The following TREH variants were observed in gnomAD, a reference collection of about 807,000 sequenced individuals.
The protein encoded by TREH is alpha,alpha-trehalose glucohydrolase.
A neutral mutation model predicts 80.5 loss-of-function variants in TREH; 69 were observed. That is an observed-to-expected ratio of 0.86 (90% CI 0.71 to 1.05). The LOEUF is 1.05. TREH is among the 50% of genes least tolerant of loss of function. TREH has a pLI of 0.00. For missense variants in TREH, 716 were observed against 718.8 expected (o/e 1.00, Z 0.04); for synonymous variants, 309 against 293.5 (o/e 1.05, Z -0.54).
chr11:118,672,450 C>G (rs1949438644), intron 1 of TREH, among the ~76,000 whole-genome samples: 1 of 151,464 alleles, frequency 6.6e-6, no homozygotes. Context: ...TGGCTCATGC[C>G]TATAATCCCA....
intron 2 of TREH, 66 bp from the exon 3 acceptor site, chr11:118,663,262 T>A: frequency 6.4e-7 from 1 of 1,565,624 alleles, no homozygotes; most frequent in South Asian, 1.2e-5. Flanking sequence ...CACAGGGGCC[T>A]CTCTACTTGG....
chr11:118,679,458 G>T (rs1235094707), intron 1 of TREH, 81 bp downstream of exon 1: 16 of 1,369,654 alleles, frequency 1.2e-5, no homozygotes, highest in Non-Finnish European at 1.4e-5. Context: ...TCCCTCTGAA[G>T]TACCGACCCC....
intron 1 of TREH, among the ~76,000 whole-genome samples, chr11:118,676,679 A>G (rs1453055111): frequency 6.6e-6 from 1 of 151,506 alleles, no homozygotes; most frequent in African/African-American, 2.4e-5. Flanking sequence ...AGGCAGGAGA[A>G]TCACTTGAAC....
intron 1 of TREH, among the ~76,000 whole-genome samples, chr11:118,671,613 T>C (rs1949430465): frequency 6.6e-6 from 1 of 151,960 alleles, no homozygotes; most frequent in Non-Finnish European, 1.5e-5. Flanking sequence ...GAGAAAGAGA[T>C]AGGGACAGAA....
rs1555145384 is a variant in TREH at position 118,663,397 on chromosome 11, C to T, written c.132G>A (p.Met44Ile). The stretch of plus-strand genomic sequence containing the variant: ...GCTTGTCATCCTGGTAGAGCTTGGC[C>T]ATTTGAACTTGGTTTAGGAGCTCCC... Reference protein sequence around the residue: ...CHGELLNQVQMAKLYQDDKQF... With the variant: ...CHGELLNQVQIAKLYQDDKQF... The change falls in exon 2 of 15, where the codon ATG becomes ATA. Residue 44 changes from methionine (M) to isoleucine (I), a missense_variant. By Grantham distance (10) the Met-to-Ile change is conservative. Coordinates refer to ENST00000264029, the MANE Select transcript of TREH (RefSeq NM_007180.3). 6.3e-7 allele frequency: 1 copy of T among 1,596,990 alleles called. No homozygotes were observed. Among genetic ancestry groups the T allele is most frequent in the Non-Finnish European group, 8.5e-7 (1 of 1,171,782 alleles).
At chr11:118,662,591 C>T (rs1949336145) in intron 4 of TREH, 2 of 445,416 alleles carry the variant, frequency 4.5e-6, no homozygotes, top group Non-Finnish European at 8.2e-6. Flanking sequence ...GAACATCTAC[C>T]CAGTGGTGCC....
chr11:118,678,380 T>G (rs1290272653), intron 1 of TREH, among the ~76,000 whole-genome samples: 3 of 150,314 alleles, frequency 2.0e-5, no homozygotes, highest in African/African-American at 7.3e-5. Flanking sequence ...TATTATTATT[T>G]GAGATAGAGT....
intron 1 of TREH, among the ~76,000 whole-genome samples, chr11:118,672,322 G>A (rs782609009): frequency 3.1e-4 from 47 of 151,906 alleles, no homozygotes; most frequent in Non-Finnish European, 5.3e-4. Flanking sequence ...CGCTTGAACC[G>A]GGGAGGTGGA....
intron 10 of TREH, 132 bp from the exon 11 acceptor site, chr11:118,660,096 G>A (rs990326034): frequency 2.6e-5 from 22 of 861,066 alleles, no homozygotes; most frequent in East Asian, 1.3e-4. Context: ...TGACCAAGGG[G>A]ATGTGCCGAT....
intron 1 of TREH, among the ~76,000 whole-genome samples, chr11:118,664,439 G>A (rs1555145501): frequency 1.3e-5 from 2 of 152,246 alleles, no homozygotes; most frequent in Non-Finnish European, 1.5e-5. Context: ...CAGATGGGCA[G>A]TGAAAAACTG....
intron 1 of TREH, among the ~76,000 whole-genome samples, chr11:118,675,886 A>T (rs1555146772): frequency 2.0e-5 from 3 of 152,132 alleles, no homozygotes; most frequent in Non-Finnish European, 4.4e-5. Context: ...CATTTTTGGT[A>T]GAGACAGGGT....
intron 1 of TREH, among the ~76,000 whole-genome samples, chr11:118,667,448 G>A (rs520543): frequency 0.32 from 48,835 of 151,994 alleles, 8,256 homozygotes; most frequent in Admixed American, 0.46. Context: ...TGATCCTCCC[G>A]GCTTGGCCTC....
intron 1 of TREH, among the ~76,000 whole-genome samples, chr11:118,666,762 A>C (rs1332767827): frequency 6.6e-6 from 1 of 152,244 alleles, no homozygotes; most frequent in Non-Finnish European, 1.5e-5. Context: ...AAATGAGCGA[A>C]ATACAGCAGC....
rs782653438 is a variant in TREH, at chr11:118,659,447, G to A, written c.1355C>T (p.Pro452Leu). 6.3e-5 allele frequency: 101 copies of A among 1,606,308 alleles called. No individual in the cohort carries two copies. The highest frequency in any genetic ancestry group is 8.4e-5 in the Non-Finnish European group (99 of 1,176,122). Residue 452 changes from proline (P) to leucine (L), a missense_variant, in exon 12 of 15, where the codon CCG becomes CTG. Coordinates refer to ENST00000264029, the MANE Select transcript of TREH (RefSeq NM_007180.3). ...CTGGCCTGTCTTCTGGAGAGAGGTCGGGATCCCATACTGGTAAGTCAGGAT... is the reference window on the plus strand; with the variant it reads ...CTGGCCTGTCTTCTGGAGAGAGGTCAGGATCCCATACTGGTAAGTCAGGAT... ...NRILTYQYGI[P>L]TSLQKTGQQW...
At chr11:118,664,785 G>C (rs1003990811) in intron 1 of TREH, among the ~76,000 whole-genome samples, 1 of 152,156 alleles carries the variant, frequency 6.6e-6, no homozygotes, top group Admixed American at 6.5e-5. Flanking sequence ...GGAGATAAAA[G>C]CATGAAGGGG....
chr11:118,660,422 G>A (rs1408752732), intron 10 of TREH, 117 bp downstream of exon 10: 4 of 1,085,518 alleles, frequency 3.7e-6, no homozygotes, highest in Non-Finnish European at 5.2e-6. Context: ...CTAGGGCGGG[G>A]CTCGACAGGC....
At chr11:118,677,612 C>A (rs1346098417) in intron 1 of TREH, among the ~76,000 whole-genome samples, 1 of 152,184 alleles carries the variant, frequency 6.6e-6, no homozygotes, top group African/African-American at 2.4e-5. Context: ...GTAGTCCCAG[C>A]TACTGGGGAG....
At chr11:118,666,040 A>G (rs1949374528) in intron 1 of TREH, among the ~76,000 whole-genome samples, 1 of 152,206 alleles carries the variant, frequency 6.6e-6, no homozygotes, top group African/African-American at 2.4e-5. Context: ...GATCAAGACC[A>G]TCCTGGCCAA....
rs182502744 is a variant in TREH, at chr11:118,658,510, C to T, written c.1600-69G>A. 4.7e-5 allele frequency: 73 copies of T among 1,563,584 alleles called. No individual in the cohort carries two copies. In the East Asian group the frequency reaches 1.7e-3, roughly 36 times the overall value. On this transcript the variant is annotated intron_variant, in intron 14 of 14. Transcript: ENST00000264029. The stretch of plus-strand genomic sequence containing the variant: ...ATACCCTTGGTGGGGGCTGTGGGCT[C>T]TCTCCCCAGGGGCACTGGCCCTGCC...
Sources: allele counts gnomAD v4.1 joint callset (sites outside exome capture counted in the v4.1 genomes callset), GRCh38; gene constraint gnomAD v4.1.1; transcripts MANE v1.5; gene names NCBI Gene and HGNC (gene_info 2026-07-23, HGNC 2026-07-21).